C3orf49: variants seen among roughly 807,000 people sequenced by gnomAD.
C3orf49 encodes the protein chromosome 3 open reading frame 49.
A neutral mutation model predicts 13.3 loss-of-function variants in C3orf49; 27 were observed. The ratio of observed to expected loss-of-function variants is 2.02; its 90% confidence interval spans 1.49 to 2.79. The LOEUF (loss-of-function observed/expected upper bound fraction) is 2.79. Among genes scored for constraint, C3orf49 ranks in the 30% most tolerant of loss-of-function variants. The pLI is 0.00. For synonymous variants in C3orf49, 87 were observed against 47.6 expected (o/e 1.83, Z -3.40); for missense variants, 242 against 134.2 (o/e 1.80, Z -3.97).
the C3orf49 span, chr3:63,783,089 A>T: frequency 6.6e-6 from 1 of 151,900 alleles, no homozygotes; most frequent in Non-Finnish European, 1.5e-5. Flanking sequence ...TGGGTGGTCA[A>T]CTCTCCCAAT....
chr3:63,797,191 G>A, the C3orf49 span, among the ~76,000 whole-genome samples: 1 of 151,964 alleles, frequency 6.6e-6, no homozygotes, highest in Non-Finnish European at 1.5e-5. Flanking sequence ...TAGGTAAGGT[G>A]TTTTTCCCTC....
At chr3:63,781,578 G>A in the C3orf49 span, among the ~76,000 whole-genome samples, 1 of 152,116 alleles carries the variant, frequency 6.6e-6, no homozygotes. Context: ...AAATTACCTT[G>A]GGCAGTATGT....
Position 63,823,291 on chromosome 3 carries a change from T to G in C3orf49, c.167T>G (p.Val56Gly). The G allele has an allele frequency of 1.4e-6, 1 of 703,062 alleles. No individual in the cohort carries two copies. Among genetic ancestry groups the G allele is most frequent in the East Asian group, 2.7e-5 (1 of 37,298 alleles). The allele number at this position is 703,062 out of a possible 1,614,324, so 43.6% of individuals were successfully genotyped here. ...TCTACCAACTTACTAAAACAAAATG[T>G]ATTGGTCCCTAAAGAGGAATCATCC... The part of the protein sequence containing the change: ...AVSTNLLKQN[V>G]LVPKEESSSD... Residue 56 changes from valine (V) to glycine (G), a missense_variant, in exon 2 of 7, where the codon GTA becomes GGA. Val to Gly is a moderately radical substitution (Grantham distance 109, BLOSUM62 -3). Transcript: ENST00000295896.
At chr3:63,825,328 A>C (rs1213702277) in intron 2 of C3orf49, among the ~76,000 whole-genome samples, 1 of 152,218 alleles carries the variant, frequency 6.6e-6, no homozygotes, top group Non-Finnish European at 1.5e-5. Flanking sequence ...AAACAAAAAA[A>C]AACCCTGATG....
At chr3:63,822,703 A>G (rs1017934467) in intron 1 of C3orf49, among the ~76,000 whole-genome samples, 3 of 152,246 alleles carry the variant, frequency 2.0e-5, no homozygotes, top group African/African-American at 4.8e-5. Context: ...TAGTCACTAT[A>G]TATGAGTTTA....
intron 5 of C3orf49, among the ~76,000 whole-genome samples, chr3:63,833,039 A>G (rs1701554088): frequency 6.6e-6 from 1 of 152,134 alleles, no homozygotes; most frequent in Non-Finnish European, 1.5e-5. Context: ...GAAAATTACA[A>G]GTGATTCCGC....
At chr3:63,804,230 T>C in the C3orf49 span, among the ~76,000 whole-genome samples, 3 of 152,012 alleles carry the variant, frequency 2.0e-5, no homozygotes, top group Non-Finnish European at 4.4e-5. Flanking sequence ...GGCCTGGGGG[T>C]TGGGGACCCC....
At chr3:63,807,857 C>CAAAAAAAAAAAA in the C3orf49 span, among the ~76,000 whole-genome samples, 44 of 31,990 alleles carry the variant, frequency 1.4e-3, no homozygotes, top group Non-Finnish European at 2.1e-3. Context: ...AACTTCATCT[C>CAAAAAAAAAAAA]AAAAAAAAAA....
the C3orf49 span, among the ~76,000 whole-genome samples, chr3:63,807,241 G>A: frequency 2.8e-3 from 422 of 152,246 alleles, 3 homozygotes; most frequent in Non-Finnish European, 4.4e-3. Flanking sequence ...GTGAGCCACT[G>A]CACCCGGGCC....
chr3:63,808,557 A>G, the C3orf49 span, among the ~76,000 whole-genome samples: 1 of 152,150 alleles, frequency 6.6e-6, no homozygotes, highest in South Asian at 2.1e-4. Context: ...TGAAGGTTTT[A>G]GCAAAGGTAA....
At chr3:63,814,617 A>G (rs1374942254), upstream of C3orf49, among the ~76,000 whole-genome samples, 4 of 152,124 alleles carry the variant, frequency 2.6e-5, no homozygotes, top group South Asian at 6.2e-4. Context: ...TCAGAGGGAC[A>G]TTTACAAATG....
the C3orf49 span, among the ~76,000 whole-genome samples, chr3:63,800,085 C>T: frequency 1.3e-5 from 2 of 152,142 alleles, no homozygotes; most frequent in Admixed American, 1.3e-4. Flanking sequence ...TCATTTTCAC[C>T]TAAAGTATCC....
intron 2 of C3orf49, 49 bp downstream of exon 2, chr3:63,823,618 G>A: frequency 4.6e-6 from 3 of 658,732 alleles, no homozygotes; most frequent in South Asian, 3.4e-5. Flanking sequence ...AAGAGGAAGA[G>A]TGAAATTAGG....
chr3:63,837,730 GA>G (rs1012841240), intron 5 of C3orf49, among the ~76,000 whole-genome samples: 13 of 148,612 alleles, frequency 8.7e-5, no homozygotes, highest in African/African-American at 1.7e-4. Flanking sequence ...ACTGGGATAA[GA>G]AAAAAAAAGA....
chr3:63,826,571 C>T (rs547084784), intron 2 of C3orf49, among the ~76,000 whole-genome samples: 1 of 152,104 alleles, frequency 6.6e-6, no homozygotes, highest in Non-Finnish European at 1.5e-5. Flanking sequence ...GACTTGCTGA[C>T]ATAAGGTCCC....
rs1201067013 is a variant in C3orf49, at chr3:63,831,206, G to A, written c.667G>A (p.Gly223Arg). The change falls in exon 4 of 7, where the codon GGA becomes AGA. Residue 223 changes from glycine (G) to arginine (R), a missense_variant. Physicochemically the swap from Gly to Arg is moderately radical, Grantham distance 125 (BLOSUM62 -2). Coordinates refer to ENST00000295896, the MANE Select transcript of C3orf49 (RefSeq NM_001355236.2). ...CCTTCGAAAATCAGATTTGACAGTA[G>A]GAAAGCTTCAAATGCAGGTAGTGGA... is the stretch of plus-strand genomic sequence containing the variant. ...NILRKSDLTV[G>R]KLQMQVDDLI... 5 of 702,772 alleles carry A rather than the reference G, an allele frequency of 7.1e-6. No individual in the cohort carries two copies. The Admixed American group carries it at 8.0e-5, about 11-fold the overall frequency. 43.5% of individuals were successfully genotyped at this position (702,772 alleles called of 1,614,324 possible). A position where few individuals can be genotyped will look rare whatever the true frequency, so the allele number is the denominator to read the frequency against.
the C3orf49 span, among the ~76,000 whole-genome samples, chr3:63,786,244 G>C: frequency 6.6e-6 from 1 of 151,728 alleles, no homozygotes; most frequent in Non-Finnish European, 1.5e-5. Context: ...GTAAATGTTC[G>C]TAACTGATGA....
chr3:63,842,761 C>T (rs1701795374), intron 5 of C3orf49, among the ~76,000 whole-genome samples: 1 of 152,066 alleles, frequency 6.6e-6, no homozygotes, highest in Non-Finnish European at 1.5e-5. Context: ...GGTATAAGTA[C>T]ACACTTGTGT....
At chr3:63,833,170 C>T (rs1701556959) in intron 5 of C3orf49, among the ~76,000 whole-genome samples, 1 of 151,196 alleles carries the variant, frequency 6.6e-6, no homozygotes, top group African/African-American at 2.4e-5. Flanking sequence ...AATCTTGGCT[C>T]ACCACAACCT....
Sources: allele counts gnomAD v4.1 joint callset (sites outside exome capture counted in the v4.1 genomes callset), GRCh38; gene constraint gnomAD v4.1.1; transcripts MANE v1.5; gene names NCBI Gene and HGNC (gene_info 2026-07-23, HGNC 2026-07-21).